The following PRKG1 variants were observed in gnomAD, a reference collection of about 807,000 sequenced individuals.
PRKG1 encodes protein kinase cGMP-dependent 1.
PRKG1 carries 35 observed loss-of-function variants against 88.1 expected under a neutral mutation model. The ratio of observed to expected loss-of-function variants is 0.40; its 90% confidence interval spans 0.30 to 0.53. The LOEUF (loss-of-function observed/expected upper bound fraction) is 0.53, where lower values mean the gene tolerates loss of function less well. Ranked by LOEUF, PRKG1 falls within the 20% of genes least tolerant of loss-of-function variation. The pLI, the probability that PRKG1 is intolerant of heterozygous loss-of-function variation, is 0.59. For missense variants in PRKG1, 540 were observed against 839.8 expected, an observed-to-expected ratio of 0.64 and a Z score of 4.41; for synonymous variants, 303 against 292.5, an observed-to-expected ratio of 1.04 and a Z score of -0.37.
intron 2 of PRKG1, among the ~76,000 whole-genome samples, chr10:51,186,953 G>GTT (rs1175743295): frequency 0.052 from 4,031 of 78,016 alleles, 88 homozygotes; most frequent in South Asian, 0.09. Flanking sequence ...AAGGCCCTGT[G>GTT]TTATATATAT....
intron 2 of PRKG1, among the ~76,000 whole-genome samples, chr10:51,463,751 C>T (rs986202221): frequency 2.0e-5 from 3 of 152,152 alleles, no homozygotes; most frequent in African/African-American, 7.2e-5. Context: ...TAACCAATTT[C>T]ACATATCAGA....
chr10:52,174,197 A>G (rs1589673130), intron 9 of PRKG1, among the ~76,000 whole-genome samples: 1 of 151,912 alleles, frequency 6.6e-6, no homozygotes, highest in African/African-American at 2.4e-5. Context: ...TTACTTAAAC[A>G]ATTAAATTAA....
chr10:51,364,829 T>G (rs1449091501), intron 2 of PRKG1, among the ~76,000 whole-genome samples: 1 of 151,982 alleles, frequency 6.6e-6, no homozygotes, highest in Non-Finnish European at 1.5e-5. Context: ...GCTTTACAGA[T>G]TCAAGAAGTC....
chr10:51,061,350 A>G (rs1843690707), intron 1 of PRKG1, among the ~76,000 whole-genome samples: 1 of 152,150 alleles, frequency 6.6e-6, no homozygotes, highest in African/African-American at 2.4e-5. Flanking sequence ...TACCCCCATG[A>G]GTCAATTACC....
intron 2 of PRKG1, among the ~76,000 whole-genome samples, chr10:51,248,060 G>A (rs1385085505): frequency 6.6e-6 from 1 of 151,890 alleles, no homozygotes; most frequent in African/African-American, 2.4e-5. Flanking sequence ...AATCGTAAAA[G>A]GGAGTAAATG....
intron 2 of PRKG1, among the ~76,000 whole-genome samples, chr10:51,216,629 G>A (rs923606906): frequency 6.6e-6 from 1 of 152,100 alleles, no homozygotes; most frequent in Non-Finnish European, 1.5e-5. Context: ...AATAAATGCT[G>A]TCATCATCAT....
intron 1 of PRKG1, among the ~76,000 whole-genome samples, chr10:51,098,535 G>A (rs1047461953): frequency 2.8e-4 from 43 of 152,168 alleles, no homozygotes; most frequent in African/African-American, 8.9e-4. Flanking sequence ...ATGGCGGAAG[G>A]ATGAAAGAGA....
chr10:51,946,492 G>A (rs192759874), intron 5 of PRKG1, among the ~76,000 whole-genome samples: 2,167 of 152,108 alleles, frequency 0.014, 76 homozygotes, highest in African/African-American at 0.047. Flanking sequence ...GCTTTGTTCC[G>A]TTGCTGGTGA....
At chr10:51,349,509 CTTTT>C (rs71029360) in intron 2 of PRKG1, among the ~76,000 whole-genome samples, 1 of 121,708 alleles carries the variant, frequency 8.2e-6, no homozygotes, top group Non-Finnish European at 1.8e-5. Context: ...TGTATGTGTC[CTTTT>C]TTTTTTTTTT....
intron 5 of PRKG1, among the ~76,000 whole-genome samples, chr10:52,014,953 G>A (rs1054751105): frequency 6.6e-6 from 1 of 152,240 alleles, no homozygotes; most frequent in African/African-American, 2.4e-5. Flanking sequence ...GCTCTTCAGG[G>A]TACAGCCCCC....
chr10:51,448,630 T>G (rs1358078491), intron 2 of PRKG1, among the ~76,000 whole-genome samples: 1 of 152,108 alleles, frequency 6.6e-6, no homozygotes, highest in Non-Finnish European at 1.5e-5. Flanking sequence ...CAGATCTGTT[T>G]CTGTGCCATT....
intron 3 of PRKG1, among the ~76,000 whole-genome samples, chr10:51,679,927 C>T (rs913775325): frequency 1.7e-4 from 22 of 131,990 alleles, no homozygotes; most frequent in Non-Finnish European, 3.1e-4. Flanking sequence ...GGCCAATTAA[C>T]GGGAACTTCC....
chr10:52,176,138 C>T lies in PRKG1; in HGVS notation c.1076+14175C>T, dbSNP rs763394479. Among the ~76,000 whole-genome samples the T allele has an allele frequency of 2.4e-3, 349 of 143,544 alleles. 1 individual carries two copies. The Middle Eastern group carries it at 0.026, about 11-fold the overall frequency. The allele number at this position is 143,544 out of a possible 152,430, so 94.2% of individuals were successfully genotyped here. ...TTTTGCAGTTTGGGGTCTTACATTT[C>T]GATCTTTGATCGATTTTGAGTTTTT... On this transcript the variant is annotated intron_variant, in intron 9 of 17. Coordinates refer to ENST00000373980, the MANE Select transcript of PRKG1 (RefSeq NM_006258.4).
At chr10:52,163,225 T>TTG (rs150295348) in intron 9 of PRKG1, among the ~76,000 whole-genome samples, 12,621 of 146,724 alleles carry the variant, frequency 0.086, 1,593 homozygotes, top group African/African-American at 0.29. Context: ...TTTCGTGTGT[T>TTG]TGTGTGTGTG....
chr10:51,055,663 CA>C (rs917701536), intron 1 of PRKG1, among the ~76,000 whole-genome samples: 3 of 151,896 alleles, frequency 2.0e-5, no homozygotes, highest in African/African-American at 7.3e-5. Context: ...GGCATGAACC[CA>C]GGGGCAGAGC....
At chr10:52,229,628 C>T (rs1840476344) in intron 9 of PRKG1, among the ~76,000 whole-genome samples, 1 of 152,148 alleles carries the variant, frequency 6.6e-6, no homozygotes, top group Admixed American at 6.5e-5. Context: ...CCATTTCCAG[C>T]CTTTGGATTA....
At chr10:51,091,248 A>C (rs1023783124) in intron 1 of PRKG1, among the ~76,000 whole-genome samples, 4 of 152,206 alleles carry the variant, frequency 2.6e-5, no homozygotes, top group African/African-American at 9.7e-5. Context: ...TATACCATAA[A>C]ACTTACCTAT....
At chr10:51,221,458 A>C (rs1177048442) in intron 2 of PRKG1, among the ~76,000 whole-genome samples, 1 of 152,140 alleles carries the variant, frequency 6.6e-6, no homozygotes, top group Non-Finnish European at 1.5e-5. Context: ...ATAAGTTCCA[A>C]GAATTATAAA....
chr10:52,251,686 A>G lies in PRKG1; in HGVS notation c.1173+20A>G. 2 of 1,581,282 alleles carry G rather than the reference A, an allele frequency of 1.3e-6. No individual in the cohort carries two copies. The highest frequency in any genetic ancestry group is 1.7e-4 in the Middle Eastern group (1 of 5,978). ...GAACTGGTAGGTGATTGTTCTTTAA[A>G]TGCTTTTGATCGCCTCTGCTTCCTT... is the stretch of plus-strand genomic sequence containing the variant. On this transcript the variant is annotated intron_variant, in intron 10 of 17. Transcript: ENST00000373980.
Sources: gnomAD v4.1 joint callset for allele counts (sites outside exome capture counted in the v4.1 genomes callset) on GRCh38, gnomAD v4.1.1 for gene constraint, MANE v1.5 for transcripts, NCBI Gene and HGNC (gene_info 2026-07-23, HGNC 2026-07-21) for gene names.